The following ARID4A variants were observed in gnomAD, a reference collection of about 807,000 sequenced individuals.
ARID4A encodes the protein AT-rich interactive domain-containing protein 4A.
Under a neutral mutation model 148.6 loss-of-function variants are expected in ARID4A, and 39 were observed. The ratio of observed to expected loss-of-function variants is 0.26; its 90% CI spans 0.20 to 0.34. The LOEUF (loss-of-function observed/expected upper bound fraction) is 0.34. Ranked by LOEUF, ARID4A falls within the 10% of genes least tolerant of loss-of-function variation. The pLI is 1.00. For synonymous variants in ARID4A, 475 were observed against 481.2 expected (o/e 0.99, Z 0.17); for missense variants, 1,265 against 1,449.1 (o/e 0.87, Z 2.06).
At chr14:58,312,653 A>G (rs182923188) in intron 5 of ARID4A, among the ~76,000 whole-genome samples, 1 of 152,360 alleles carries the variant, frequency 6.6e-6, no homozygotes, top group Admixed American at 6.5e-5. Context: ...GGATATAACA[A>G]TAATGATACT....
chr14:58,317,792 C>T (rs1173595326), intron 5 of ARID4A, among the ~76,000 whole-genome samples: 1 of 151,738 alleles, frequency 6.6e-6, no homozygotes, highest in African/African-American at 2.4e-5. Flanking sequence ...GCCACCACGC[C>T]TGCCCTACAA....
chr14:58,335,557 C>T (rs143226186), intron 11 of ARID4A, among the ~76,000 whole-genome samples: 5 of 152,144 alleles, frequency 3.3e-5, no homozygotes, highest in East Asian at 3.9e-4. Context: ...AGGTGATCCG[C>T]GCATCTCAGC....
At chr14:58,343,940 T>C (rs2034234161) in intron 11 of ARID4A, among the ~76,000 whole-genome samples, 1 of 152,180 alleles carries the variant, frequency 6.6e-6, no homozygotes, top group South Asian at 2.1e-4. Context: ...TGTTTTTCTC[T>C]AGTAGTGCTA....
In ARID4A at chr14:58,368,947, A is replaced by G. The variant is rs2035480788; in HGVS notation, c.3670+1918A>G. Among the ~76,000 whole-genome samples the G allele has an allele frequency of 2.0e-5, 3 of 152,236 alleles. No homozygotes were observed. In the South Asian group the frequency reaches 6.2e-4, roughly 31 times the overall value. ...GATGTTCAATTTGTATCCAGAGATA[A>G]AGGGAAAGAGATTGCCACCTTGAAA... is the stretch of plus-strand genomic sequence containing the variant. On this transcript the variant is annotated intron_variant, in intron 23 of 23. Transcript: ENST00000355431.
intron 8 of ARID4A, among the ~76,000 whole-genome samples, chr14:58,326,445 A>G (rs1385196613): frequency 6.6e-6 from 1 of 152,218 alleles, no homozygotes; most frequent in Non-Finnish European, 1.5e-5. Context: ...TCAGAAAAAA[A>G]AGTAGGAATG....
At chr14:58,341,829 G>C (rs964405972) in intron 11 of ARID4A, among the ~76,000 whole-genome samples, 1 of 152,062 alleles carries the variant, frequency 6.6e-6, no homozygotes, top group African/African-American at 2.4e-5. Flanking sequence ...TGGATCTCTG[G>C]CATTTTACTG....
At chr14:58,331,996 C>CG (rs1491202172) in intron 11 of ARID4A, among the ~76,000 whole-genome samples, 5 of 5,228 alleles carry the variant, frequency 9.6e-4, no homozygotes, top group African/African-American at 2.0e-3. Context: ...ATTTTCCCTA[C>CG]CCCCCCCCCC....
intron 17 of ARID4A, 147 bp downstream of exon 17, chr14:58,354,002 C>G: frequency 1.4e-6 from 1 of 708,058 alleles, no homozygotes; most frequent in East Asian, 2.7e-5. Context: ...TTTGACATTC[C>G]TGCTGTTATA....
chr14:58,359,875 G>A (rs1446781238), intron 18 of ARID4A, among the ~76,000 whole-genome samples: 1 of 152,032 alleles, frequency 6.6e-6, no homozygotes, highest in East Asian at 1.9e-4. Context: ...GACCATCCTG[G>A]CTAACACGGT....
chr14:58,310,223 T>A (rs1033350612), intron 5 of ARID4A, among the ~76,000 whole-genome samples: 1 of 145,064 alleles, frequency 6.9e-6, no homozygotes. Context: ...TTTTTTTTTG[T>A]TTTTTTTTGT....
intron 5 of ARID4A, among the ~76,000 whole-genome samples, chr14:58,309,641 A>G (rs1213505502): frequency 2.0e-5 from 3 of 152,234 alleles, no homozygotes; most frequent in African/African-American, 7.2e-5. Flanking sequence ...TTTTTGTAAT[A>G]TAAAAACATA....
At chr14:58,345,549 A>G (rs1212505013) in intron 12 of ARID4A, among the ~76,000 whole-genome samples, 2 of 152,042 alleles carry the variant, frequency 1.3e-5, no homozygotes, top group Non-Finnish European at 2.9e-5. Context: ...ACTCCTTGCC[A>G]TTTGTTAGTC....
At chr14:58,344,208 A>T (rs1418223712) in intron 11 of ARID4A, among the ~76,000 whole-genome samples, 2 of 152,192 alleles carry the variant, frequency 1.3e-5, no homozygotes, top group African/African-American at 4.8e-5. Flanking sequence ...TCTAAACAGA[A>T]ATCCTTTGCC....
At chr14:58,309,569 C>T (rs1222498588) in intron 5 of ARID4A, among the ~76,000 whole-genome samples, 1 of 152,166 alleles carries the variant, frequency 6.6e-6, no homozygotes, top group Non-Finnish European at 1.5e-5. Flanking sequence ...TTAAATGTTA[C>T]CACTAACTCC....
chr14:58,350,100 TAAA>T (rs758927898), intron 15 of ARID4A, among the ~76,000 whole-genome samples: 6 of 83,792 alleles, frequency 7.2e-5, no homozygotes, highest in Admixed American at 1.4e-4. Context: ...GACTCTGTCT[TAAA>T]AAAAAAAAAA....
intron 11 of ARID4A, among the ~76,000 whole-genome samples, chr14:58,337,684 C>G (rs1003900857): frequency 4.6e-5 from 7 of 152,050 alleles, no homozygotes; most frequent in Admixed American, 2.6e-4. Flanking sequence ...TTATTTTTTG[C>G]TTAAGCCATC....
chr14:58,328,223 A>G lies in ARID4A; in HGVS notation c.583-14A>G, dbSNP rs1432008477. ...AGGAAATAGGAATCAATCTGTTCTT[A>G]TTTTATATTTCAGGTAATATCTCCC... On this transcript the variant is annotated splice_polypyrimidine_tract_variant and intron_variant, in intron 8 of 23. Transcript: ENST00000355431. 6.4e-7 allele frequency: 1 copy of G among 1,558,444 alleles called. No homozygotes were observed. Among genetic ancestry groups the G allele is most frequent in the East Asian group, 2.2e-5 (1 of 44,470 alleles).
At chr14:58,371,764 T>G in intron 23 of ARID4A, 122 bp from the exon 24 acceptor site, 1 of 769,366 alleles carries the variant, frequency 1.3e-6, no homozygotes, top group Non-Finnish European at 2.2e-6. Context: ...CTCCTTCATG[T>G]GACATATAAG....
chr14:58,309,595 T>A (rs2031867052), intron 5 of ARID4A, among the ~76,000 whole-genome samples: 1 of 152,230 alleles, frequency 6.6e-6, no homozygotes, highest in Non-Finnish European at 1.5e-5. Flanking sequence ...AATACAACTG[T>A]CAGTAAGACA....
Sources: gnomAD v4.1 joint callset for allele counts (sites outside exome capture counted in the v4.1 genomes callset) on GRCh38, gnomAD v4.1.1 for gene constraint, MANE v1.5 for transcripts, NCBI Gene and HGNC (gene_info 2026-07-23, HGNC 2026-07-21) for gene names.